The following LRP2 variants were observed in gnomAD, a reference collection of about 807,000 sequenced individuals.
The protein encoded by LRP2 is LDL receptor related protein 2.
Under a neutral mutation model 531.0 loss-of-function variants are expected in LRP2, and 172 were observed. The ratio of observed to expected loss-of-function variants is 0.32; its 90% CI spans 0.29 to 0.37. LRP2 has a LOEUF of 0.37. Ranked by LOEUF, LRP2 falls within the 10% of genes least tolerant of loss-of-function variation. LRP2 has a pLI of 1.00. For missense variants in LRP2, 5,167 were observed against 5,868.3 expected, an observed-to-expected ratio of 0.88 and a Z score of 3.90; for synonymous variants, 1,992 against 2,027.6, an observed-to-expected ratio of 0.98 and a Z score of 0.47.
rs747843507 is a variant in LRP2, at chr2:169,163,161, C to T, written c.11759-561G>A. 3.3e-5 allele frequency among the ~76,000 whole-genome samples: 5 copies of T among 152,158 alleles called. No individual in the cohort carries two copies. In the South Asian group the frequency reaches 6.2e-4, roughly 19 times the overall value. On this transcript the variant is annotated intron_variant, in intron 62 of 78. Transcript: ENST00000649046. ...GAGATCATGTTATGCAAAGTCAAAG[C>T]ATTTGATAAAGCTATCACCTCGGAA...
At chr2:169,206,289 G>A (rs755389054) in intron 39 of LRP2, 41 bp downstream of exon 39, 3 of 1,610,846 alleles carry the variant, frequency 1.9e-6, no homozygotes, top group Admixed American at 1.7e-5. Context: ...TGACCCCATT[G>A]TGTCTACTTG....
chr2:169,241,994 C>A (rs750549680), intron 24 of LRP2, among the ~76,000 whole-genome samples: 10 of 152,104 alleles, frequency 6.6e-5, no homozygotes, highest in Non-Finnish European at 1.5e-4. Context: ...AGCAAGCCAG[C>A]GGCAATTGAC....
rs1385401189 is a variant in LRP2 at position 169,241,172 on chromosome 2, T to C, written c.3861A>G (p.Ala1287=). ...AGTCATTGTCCCGATCACAGAGCCATGCCCTGTGGATGCAGTTTCCGTTGT... is the reference window on the plus strand; with the variant it reads ...AGTCATTGTCCCGATCACAGAGCCACGCCCTGTGGATGCAGTTTCCGTTGT... ...HCDNGNCIHR[A]WLCDRDNDCG... Residue 1287 remains alanine, a synonymous_variant, in exon 25 of 79, where the codon GCA becomes GCG. Coordinates refer to ENST00000649046, the MANE Select transcript of LRP2 (RefSeq NM_004525.3). 2 of 1,614,004 alleles carry C rather than the reference T, an allele frequency of 1.2e-6. No individual in the cohort carries two copies. Among genetic ancestry groups the C allele is most frequent in the Middle Eastern group, 1.6e-4 (1 of 6,082 alleles).
chr2:169,333,325 C>A (rs1685314366), intron 1 of LRP2, among the ~76,000 whole-genome samples: 1 of 152,070 alleles, frequency 6.6e-6, no homozygotes, highest in African/African-American at 2.4e-5. Context: ...GACTAAGCGA[C>A]CTCTGTATTC....
rs940985618 is a variant in LRP2, at chr2:169,202,749, A to C, written c.8209+7T>G. 2 of 1,614,132 alleles carry C rather than the reference A, an allele frequency of 1.2e-6. No individual in the cohort carries two copies. Among genetic ancestry groups the C allele is most frequent in the South Asian group, 2.2e-5 (2 of 91,088 alleles). ...CTCCTACCAAAAGCGCCAAGAGTCCAACTCACCACAGACACTTTCCATCTC... is the reference window on the plus strand; with the variant it reads ...CTCCTACCAAAAGCGCCAAGAGTCCCACTCACCACAGACACTTTCCATCTC... On this transcript the variant is annotated splice_region_variant and intron_variant, in intron 43 of 78. Transcript: ENST00000649046.
intron 33 of LRP2, among the ~76,000 whole-genome samples, chr2:169,224,710 G>A (rs1689136985): frequency 6.6e-6 from 1 of 152,090 alleles, no homozygotes; most frequent in East Asian, 1.9e-4. Flanking sequence ...ATATTATTTT[G>A]TAAATTACCT....
intron 47 of LRP2, among the ~76,000 whole-genome samples, chr2:169,192,659 G>C (rs1427053185): frequency 1.3e-5 from 2 of 152,206 alleles, no homozygotes; most frequent in African/African-American, 4.8e-5. Flanking sequence ...GGAAAGAGGT[G>C]AGATGCTGAC....
intron 45 of LRP2, among the ~76,000 whole-genome samples, chr2:169,198,141 CG>C (rs1688067294): frequency 6.6e-6 from 1 of 152,142 alleles, no homozygotes; most frequent in Non-Finnish European, 1.5e-5. Context: ...TGGTCAGGCA[CG>C]GTGGCTCATA....
Position 169,333,160 on chromosome 2 carries a change from T to G in LRP2, c.80-12276A>C, listed in dbSNP as rs562022715. Among the ~76,000 whole-genome samples, 3 of 152,308 alleles carry G rather than the reference T, an allele frequency of 2.0e-5. No homozygotes were observed. The South Asian group carries it at 6.2e-4, about 32-fold the overall frequency. On this transcript the variant is annotated intron_variant, in intron 1 of 78. Transcript: ENST00000649046. The stretch of plus-strand genomic sequence containing the variant: ...TAAAAATGTAATATGTCATTCTCTT[T>G]TTTAAAAACTGGTTTTGCTGATGTT...
intron 68 of LRP2, among the ~76,000 whole-genome samples, chr2:169,147,288 G>C (rs993794635): frequency 4.6e-5 from 7 of 152,238 alleles, no homozygotes; most frequent in Admixed American, 2.0e-4. Context: ...TGTGTAAGAG[G>C]CACTGTTCTG....
intron 20 of LRP2, 27 bp from the exon 21 acceptor site, chr2:169,247,013 C>G (rs1690035308): frequency 6.2e-7 from 1 of 1,612,230 alleles, no homozygotes; most frequent in Admixed American, 1.7e-5. Flanking sequence ...CCGAGGGAGT[C>G]AGTCATGTAC....
chr2:169,199,655 A>G (rs1464224502), intron 44 of LRP2, among the ~76,000 whole-genome samples: 6 of 151,028 alleles, frequency 4.0e-5, no homozygotes, highest in East Asian at 1.9e-4. Context: ...TCAGGTTGAT[A>G]GCATAACCCT....
chr2:169,187,900 G>T, intron 49 of LRP2, 70 bp downstream of exon 49: 1 of 1,511,950 alleles, frequency 6.6e-7, no homozygotes, highest in East Asian at 2.2e-5. Flanking sequence ...GAAAGTCTAA[G>T]TCGTGAAGGG....
rs1423762352 is a variant in LRP2 at position 169,251,248 on chromosome 2, C to G, written c.2771-3733G>C. ...TGACCACATAGTTGGAAGTAAAGCT[C>G]TCCTCAGCAAATGTAAAAGAACAGA... On this transcript the variant is annotated intron_variant, in intron 19 of 78. Coordinates refer to ENST00000649046, the MANE Select transcript of LRP2 (RefSeq NM_004525.3). Among the ~76,000 whole-genome samples the G allele has an allele frequency of 1.5e-4, 3 of 20,214 alleles. No homozygotes were observed. The East Asian group carries it at 4.1e-3, about 28-fold the overall frequency. 13.3% of individuals were successfully genotyped at this position (20,214 alleles called of 152,430 possible). A position where few individuals can be genotyped will look rare whatever the true frequency, so the allele number is the denominator to read the frequency against.
At chr2:169,243,553 T>C (rs1395581000) in intron 22 of LRP2, 31 bp from the exon 23 acceptor site, 1 of 1,613,370 alleles carries the variant, frequency 6.2e-7, no homozygotes, top group African/African-American at 1.3e-5. Context: ...AACCAACAAG[T>C]TTATTTCCTG....
At chr2:169,148,186 G>A (rs1011283135) in intron 68 of LRP2, among the ~76,000 whole-genome samples, 1 of 152,250 alleles carries the variant, frequency 6.6e-6, no homozygotes, top group Admixed American at 6.5e-5. Flanking sequence ...TCATTAAAAA[G>A]GACACACATG....
At chr2:169,186,422 A>T (rs1040196513) in intron 49 of LRP2, among the ~76,000 whole-genome samples, 4 of 152,126 alleles carry the variant, frequency 2.6e-5, no homozygotes, top group Non-Finnish European at 5.9e-5. Flanking sequence ...AGATACACAC[A>T]TTTGCCTCTC....
chr2:169,244,838 G>A lies in LRP2; in HGVS notation c.3285C>T (p.Gly1095=), dbSNP rs986671553. The A allele has an allele frequency of 1.1e-5, 18 of 1,614,114 alleles. No individual in the cohort carries two copies. The Admixed American group carries it at 2.3e-4, about 21-fold the overall frequency. The change falls in exon 22 of 79, where the codon GGC becomes GGT. Residue 1095 remains glycine (G), a synonymous_variant. Coordinates refer to ENST00000649046, the MANE Select transcript of LRP2 (RefSeq NM_004525.3). The part of the protein sequence containing the change: ...RCDKRNDCVD[G]SDEHNCPTHA... ...GGGTGGGGCAGTTGTGCTCATCACT[G>A]CCATCCACACAGTCGTTGCGTTTGT...
chr2:169,360,260 C>G (rs1002796954), intron 1 of LRP2, among the ~76,000 whole-genome samples: 5 of 151,586 alleles, frequency 3.3e-5, no homozygotes, highest in African/African-American at 1.2e-4. Context: ...AGACAAATTA[C>G]TGAATTGTTC....
Sources: allele counts gnomAD v4.1 joint callset (sites outside exome capture counted in the v4.1 genomes callset), GRCh38; gene constraint gnomAD v4.1.1; transcripts MANE v1.5; gene names NCBI Gene and HGNC (gene_info 2026-07-23, HGNC 2026-07-21).